The following CHM variants were observed in gnomAD, a reference collection of about 807,000 sequenced individuals.
The protein encoded by CHM is rab proteins geranylgeranyltransferase component A 1.
A neutral mutation model predicts 49.0 loss-of-function variants in CHM; 10 were observed. That is an observed-to-expected ratio of 0.20 (90% CI 0.13 to 0.35). The LOEUF is 0.35. Among genes scored for constraint, CHM ranks in the 10% least tolerant of loss-of-function variants. CHM has a pLI of 1.00. For synonymous variants in CHM, 184 were observed against 167.5 expected (o/e 1.10, Z -0.76); for missense variants, 455 against 478.4 (o/e 0.95, Z 0.46).
chrX:86,032,351 G>A (rs1452261457), intron 1 of CHM, among the ~76,000 whole-genome samples: 1 of 111,567 alleles, frequency 9.0e-6, no homozygotes, highest in African/African-American at 3.3e-5. Flanking sequence ...TCTCATATGG[G>A]TGCAGGGAGA....
At chrX:85,999,090 GA>G (rs1277198507) in intron 2 of CHM, among the ~76,000 whole-genome samples, 8 of 107,060 alleles carry the variant, frequency 7.5e-5, no homozygotes, top group East Asian at 2.9e-4. Flanking sequence ...CTCCTACCTA[GA>G]AAAAAAAAAT....
Position 85,992,250 on chromosome X carries a change from T to C in CHM, c.117-10441A>G, listed in dbSNP as rs766132798. On this transcript the variant is annotated intron_variant, in intron 2 of 14. Transcript: ENST00000357749. The stretch of plus-strand genomic sequence containing the variant: ...CATCTGGATAATAATTCCATGGCTA[T>C]GATTACTCTAATGTCAGAGCTGGGG... Among the ~76,000 whole-genome samples the C allele has an allele frequency of 2.7e-5, 3 of 111,767 alleles. No individual in the cohort carries two copies. The South Asian group carries it at 1.1e-3, about 42-fold the overall frequency.
intron 8 of CHM, among the ~76,000 whole-genome samples, chrX:85,936,870 C>T (rs924300705): frequency 6.3e-5 from 7 of 111,899 alleles, no homozygotes; most frequent in African/African-American, 1.9e-4. Context: ...TTAAATTTAG[C>T]TAGCAAATAA....
intron 8 of CHM, among the ~76,000 whole-genome samples, chrX:85,924,600 T>G (rs1184005999): frequency 2.7e-5 from 3 of 111,754 alleles, no homozygotes; most frequent in Admixed American, 1.9e-4. Context: ...AGATTACAAC[T>G]TAATACTCTG....
chrX:85,958,964 C>T lies in CHM; in HGVS notation c.716G>A (p.Arg239Gln), dbSNP rs779393462. ...GATTAGAAGATCAATTAGTAATCCTCGAGAATACAGCAGCTGTACAAAGAA... is the reference window on the plus strand; with the variant it reads ...GATTAGAAGATCAATTAGTAATCCTTGAGAATACAGCAGCTGTACAAAGAA... ...IDLVSKLLYS[R>Q]GLLIDLLIKS... The change falls in exon 6 of 15, where the codon CGA becomes CAA. Residue 239 changes from arginine (R) to glutamine (Q), a missense_variant. Physicochemically the swap from Arg to Gln is conservative, Grantham distance 43. Coordinates refer to ENST00000357749, the MANE Select transcript of CHM (RefSeq NM_000390.4). The T allele has an allele frequency of 5.0e-5, 60 of 1,207,803 alleles. No homozygotes were observed. Among genetic ancestry groups the T allele is most frequent in the Non-Finnish European group, 6.5e-5 (58 of 894,278 alleles).
intron 2 of CHM, among the ~76,000 whole-genome samples, chrX:85,982,017 G>T (rs113492680): frequency 2.7e-3 from 305 of 111,217 alleles, no homozygotes; most frequent in African/African-American, 9.5e-3. Context: ...CAAAAGAAAT[G>T]TTTCATCACA....
intron 1 of CHM, among the ~76,000 whole-genome samples, chrX:86,041,089 G>C (rs1934440283): frequency 8.9e-6 from 1 of 111,774 alleles, no homozygotes; most frequent in Non-Finnish European, 1.9e-5. Flanking sequence ...AGAATGTAAT[G>C]GTGGGCTGCC....
intron 8 of CHM, among the ~76,000 whole-genome samples, chrX:85,949,340 A>G (rs1166759752): frequency 8.9e-6 from 1 of 112,025 alleles, no homozygotes. Context: ...TAGTGGAAAA[A>G]AGAGAAATAG....
At chrX:85,997,676 G>T (rs1460805869) in intron 2 of CHM, among the ~76,000 whole-genome samples, 3 of 111,330 alleles carry the variant, frequency 2.7e-5, no homozygotes, top group Non-Finnish European at 5.7e-5. Flanking sequence ...CTGGCTGGGG[G>T]CGGTGGCGGT....
chrX:86,027,739 A>T lies in CHM; in HGVS notation c.50-182T>A, dbSNP rs189372462. 6.7e-3 allele frequency among the ~76,000 whole-genome samples: 742 copies of T among 111,297 alleles called. 14 individuals are homozygous for T. The highest frequency in any genetic ancestry group is 0.044 in the Admixed American group (458 of 10,439). On this transcript the variant is annotated intron_variant, in intron 1 of 14. Coordinates refer to ENST00000357749, the MANE Select transcript of CHM (RefSeq NM_000390.4). ...GTAAGATGTTTCTTAAACATATACC[A>T]CTCATACTGAAAATTTTATTATGTG...
At chrX:85,971,503 G>A (rs1930904593) in intron 4 of CHM, 1 of 259,753 alleles carries the variant, frequency 3.8e-6, no homozygotes, top group Non-Finnish European at 7.4e-6. Context: ...CGTTCCTCCC[G>A]GTGGGCTTGT....
intron 8 of CHM, among the ~76,000 whole-genome samples, chrX:85,943,721 CTTAA>C (rs1241551775): frequency 9.0e-6 from 1 of 111,592 alleles, no homozygotes; most frequent in Admixed American, 9.5e-5. Context: ...CAAATTATGT[CTTAA>C]TTATTTTCAA....
intron 12 of CHM, among the ~76,000 whole-genome samples, chrX:85,892,400 T>TG (rs1403971818): frequency 1.8e-5 from 2 of 110,068 alleles, no homozygotes; most frequent in Non-Finnish European, 3.8e-5. Context: ...AACTGAATCA[T>TG]GGGGGCCGGT....
At chrX:85,937,392 T>C (rs1455917566) in intron 8 of CHM, among the ~76,000 whole-genome samples, 2 of 111,116 alleles carry the variant, frequency 1.8e-5, no homozygotes, top group Non-Finnish European at 3.8e-5. Flanking sequence ...AACCACCTTT[T>C]ATTCTCATAC....
rs141717019 is a variant in CHM, at chrX:85,935,270, C to T, written c.1166+20883G>A. ...AACTCACTTACGACCTCAAGGATCGCACCAAGCCATTCATAAGGAATCCAC... is the reference window on the plus strand; with the variant it reads ...AACTCACTTACGACCTCAAGGATCGTACCAAGCCATTCATAAGGAATCCAC... On this transcript the variant is annotated intron_variant, in intron 8 of 14. Transcript: ENST00000357749. Among the ~76,000 whole-genome samples the T allele has an allele frequency of 6.7e-3, 753 of 111,564 alleles. 12 individuals are homozygous for T. The highest frequency in any genetic ancestry group is 0.024 in the African/African-American group (732 of 30,725).
chrX:85,872,472 TC>T (rs1166270774), intron 14 of CHM, among the ~76,000 whole-genome samples: 1 of 111,787 alleles, frequency 8.9e-6, no homozygotes, highest in Admixed American at 9.6e-5. Context: ...ATCACAAACT[TC>T]CACCTTACTT....
chrX:86,009,005 G>T (rs1318827477), intron 2 of CHM, among the ~76,000 whole-genome samples: 1 of 111,985 alleles, frequency 8.9e-6, no homozygotes, highest in African/African-American at 3.2e-5. Flanking sequence ...CAAATCAAAC[G>T]AGTTCTGTGA....
chrX:85,950,262 G>A (rs372019178), intron 8 of CHM, among the ~76,000 whole-genome samples: 45 of 105,447 alleles, frequency 4.3e-4, no homozygotes, highest in South Asian at 2.1e-3. Context: ...AACAATACAC[G>A]GCAATATTAT....
In CHM at chrX:85,942,150, A is replaced by G. The variant is rs1263033576; in HGVS notation, c.1166+14003T>C. On this transcript the variant is annotated intron_variant, in intron 8 of 14. Transcript: ENST00000357749. ...TTATTCACTATTCTACACTTATAAT[A>G]TTTCTGTCCCATATGACTAAGGCAT... is the stretch of plus-strand genomic sequence containing the variant. Among the ~76,000 whole-genome samples the G allele has an allele frequency of 2.7e-5, 3 of 110,396 alleles. No individual in the cohort carries two copies. In the Admixed American group the frequency reaches 2.9e-4, roughly 11 times the overall value.
Sources: allele counts gnomAD v4.1 joint callset (sites outside exome capture counted in the v4.1 genomes callset), GRCh38; gene constraint gnomAD v4.1.1; transcripts MANE v1.5; gene names NCBI Gene and HGNC (gene_info 2026-07-23, HGNC 2026-07-21).